The following EIF2AK1 variants were observed in gnomAD, a reference collection of about 807,000 sequenced individuals.
EIF2AK1 encodes the protein eukaryotic translation initiation factor 2-alpha kinase 1.
EIF2AK1 carries 54 observed loss-of-function variants against 77.9 expected under a neutral mutation model. That is an observed-to-expected ratio of 0.69 (90% CI 0.56 to 0.87). The LOEUF (loss-of-function observed/expected upper bound fraction) is 0.87. Ranked by LOEUF, EIF2AK1 falls within the 40% of genes least tolerant of loss-of-function variation. The probability of loss-of-function intolerance (pLI) is 0.00; values close to 1 mark genes in which losing one functional copy is unlikely to be tolerated. For synonymous variants in EIF2AK1, 314 were observed against 290.5 expected (o/e 1.08, Z -0.82); for missense variants, 810 against 768.6 (o/e 1.05, Z -0.64).
intron 1 of EIF2AK1, 44 bp downstream of exon 1, chr7:6,058,922 G>C: frequency 6.8e-7 from 1 of 1,463,612 alleles, no homozygotes; most frequent in East Asian, 2.9e-5. Flanking sequence ...AAACGCAGGT[G>C]GACAGAGAGA....
chr7:6,056,549 G>A (rs1195168678), intron 1 of EIF2AK1, among the ~76,000 whole-genome samples: 5 of 139,104 alleles, frequency 3.6e-5, no homozygotes, highest in Admixed American at 1.5e-4. Flanking sequence ...AGCCGAGATC[G>A]CGCGACTGCA....
chr7:6,039,621 C>CA (rs767158374), intron 9 of EIF2AK1, among the ~76,000 whole-genome samples: 12,971 of 48,860 alleles, frequency 0.27, 2,325 homozygotes, highest in African/African-American at 0.5. Context: ...ACTCCATCTC[C>CA]AAAAAAAAAA....
chr7:6,034,214 G>T (rs2128887088), intron 11 of EIF2AK1, among the ~76,000 whole-genome samples: 1 of 152,056 alleles, frequency 6.6e-6, no homozygotes, highest in Middle Eastern at 3.4e-3. Context: ...GGCTGAGGCA[G>T]GAGAATCGCT....
chr7:6,048,823 G>C lies in EIF2AK1; in HGVS notation c.433C>G (p.Arg145Gly). 6.3e-7 allele frequency: 1 copy of C among 1,583,712 alleles called. No individual in the cohort carries two copies. Among genetic ancestry groups the C allele is most frequent in the Non-Finnish European group, 8.5e-7 (1 of 1,171,028 alleles). The change falls in exon 4 of 15, where the codon CGT becomes GGT. Residue 145 changes from arginine (R) to glycine (G), a missense_variant. By Grantham distance (125) the Arg-to-Gly change is moderately radical. Coordinates refer to ENST00000199389, the MANE Select transcript of EIF2AK1 (RefSeq NM_014413.4). ...CACACATACCTGATTTTCTGGATACGAGAAATATCCTCACAAGGATCCTAC... is the reference window on the plus strand; with the variant it reads ...CACACATACCTGATTTTCTGGATACCAGAAATATCCTCACAAGGATCCTAC... ...VRQDPCEDIS[R>G]IQKIRSREVA...
chr7:6,056,793 G>A (rs1426842646), intron 1 of EIF2AK1, among the ~76,000 whole-genome samples: 2 of 151,132 alleles, frequency 1.3e-5, no homozygotes, highest in Admixed American at 1.3e-4. Context: ...TTATCACAAT[G>A]TTACAGAAAA....
At chr7:6,042,325 C>G (rs1399920302) in intron 8 of EIF2AK1, among the ~76,000 whole-genome samples, 1 of 151,816 alleles carries the variant, frequency 6.6e-6, no homozygotes, top group African/African-American at 2.4e-5. Flanking sequence ...GTGGTGCAGG[C>G]CTATAATCCC....
Position 6,028,977 on chromosome 7 carries a change from C to T in EIF2AK1, c.1388G>A (p.Gly463Asp). 2 of 1,612,756 alleles carry T rather than the reference C, an allele frequency of 1.2e-6. No homozygotes were observed. Among genetic ancestry groups the T allele is most frequent in the Non-Finnish European group, 1.7e-6 (2 of 1,179,776 alleles). ...PDQQVKIGDF[G>D]LACTDILQKN... Reference sequence around the variant, plus strand: ...CTGTAGGATGTCTGTGCAGGCCAGACCAAAGTCTCCTATTTTTACTTGCTG... The same window carrying T: ...CTGTAGGATGTCTGTGCAGGCCAGATCAAAGTCTCCTATTTTTACTTGCTG... Residue 463 changes from glycine to aspartate, a missense_variant, in exon 12 of 15, where the codon GGT becomes GAT. By Grantham distance (94) the Gly-to-Asp change is moderately conservative. This residue lies in a region of EIF2AK1 where 549 missense variants were observed against 533.7 expected (regional missense o/e 1.03). Transcript: ENST00000199389.
At chr7:6,044,733 C>G in intron 6 of EIF2AK1, 72 bp from the exon 7 acceptor site, 1 of 1,336,318 alleles carries the variant, frequency 7.5e-7, no homozygotes, top group Non-Finnish European at 1.1e-6. Flanking sequence ...ACTTCTTGTT[C>G]CAGAGCAAAA....
At chr7:6,050,756 C>G (rs1472330393) in intron 2 of EIF2AK1, among the ~76,000 whole-genome samples, 1 of 151,866 alleles carries the variant, frequency 6.6e-6, no homozygotes, top group Non-Finnish European at 1.5e-5. Flanking sequence ...GCGCCTGCCA[C>G]CAGGCCCAGC....
rs547045673 is a variant in EIF2AK1 at position 6,033,306 on chromosome 7, T to C, written c.1332+4118A>G. ...CATTTCTAAGTGAGGATATACCTGA[T>C]ATAGATTTTTTTTTCAGTTCATACA... On this transcript the variant is annotated intron_variant, in intron 11 of 14. Transcript: ENST00000199389. The surrounding 1 kb of genome is among the most constrained non-coding windows in gnomAD (Gnocchi z 4.4). Among the ~76,000 whole-genome samples, 271 of 152,342 alleles carry C rather than the reference T, an allele frequency of 1.8e-3. 1 individual carries two copies. Among genetic ancestry groups the C allele is most frequent in the Non-Finnish European group, 2.9e-3 (194 of 68,036 alleles).
At position 6,026,472 on chromosome 7, in the gene EIF2AK1, C is replaced by T. The variant is rs778335945; in HGVS notation, c.1764+256G>A. 1.7e-3 allele frequency: 1,102 copies of T among 645,832 alleles called. 23 individuals carry two copies. Among genetic ancestry groups the T allele is most frequent in the Middle Eastern group, 1.5e-3 (6 of 4,058 alleles). The allele number at this position is 645,832 out of a possible 1,614,324, so 40.0% of individuals were successfully genotyped here. On this transcript the variant is annotated intron_variant, in intron 14 of 14. Transcript: ENST00000199389. ...TGGGGTTGGCCCCCAGCCCTCCGCT[C>T]CTCTTTGTGAACACCAGCAGATACC...
In EIF2AK1 at chr7:6,037,287, A is replaced by G. The variant is rs944562149; in HGVS notation, c.1332+137T>C. On this transcript the variant is annotated intron_variant, in intron 11 of 14. Coordinates refer to ENST00000199389, the MANE Select transcript of EIF2AK1 (RefSeq NM_014413.4). Reference sequence around the variant, plus strand: ...CATACTCTGGATCTATCGAACAATGACTTATCTGACAGTAATTATAACCTC... The same window carrying G: ...CATACTCTGGATCTATCGAACAATGGCTTATCTGACAGTAATTATAACCTC... The G allele has an allele frequency of 3.6e-5, 23 of 647,516 alleles. No individual in the cohort carries two copies. In the Admixed American group the frequency reaches 5.5e-4, roughly 16 times the overall value. The allele number at this position is 647,516 out of a possible 1,614,324, so 40.1% of individuals were successfully genotyped here.
In EIF2AK1 at chr7:6,041,156, G is replaced by T; in HGVS notation, c.855C>A (p.Thr285=). 6.2e-7 allele frequency: 1 copy of T among 1,613,868 alleles called. No homozygotes were observed. Among genetic ancestry groups the T allele is most frequent in the African/African-American group, 1.3e-5 (1 of 74,928 alleles). The change falls in exon 9 of 15, where the codon ACC becomes ACA. Residue 285 remains threonine, a synonymous_variant. Coordinates refer to ENST00000199389, the MANE Select transcript of EIF2AK1 (RefSeq NM_014413.4). ...SSSSIIFAEP[T]PEKEKRFGES... ...CTCCAAAGCGTTTTTCTTTTTCTGG[G>T]GTGGGCTCAGCAAAGATAATGGATG...
Position 6,026,783 on chromosome 7 carries a change from T to C in EIF2AK1, c.1709A>G (p.Gln570Arg), listed in dbSNP as rs763122843. Residue 570 changes from glutamine to arginine, a missense_variant, in exon 14 of 15, where the codon CAG becomes CGG. By Grantham distance (43) the Gln-to-Arg change is conservative. Transcript: ENST00000199389. ...IQHLTRRNSS[Q>R]RPSAIQLLQS... ...CAGCAGCTGAATGGCAGATGGTCTC[T>C]GCGATGAGTTCCTTCTCGTTAAGTG... 1.9e-6 allele frequency: 3 copies of C among 1,614,220 alleles called. No homozygotes were observed. Among genetic ancestry groups the C allele is most frequent in the East Asian group, 2.2e-5 (1 of 44,882 alleles).
chr7:6,036,568 G>T lies in EIF2AK1; in HGVS notation c.1332+856C>A, dbSNP rs1380699851. 6.9e-6 allele frequency among the ~76,000 whole-genome samples: 1 copy of T among 143,996 alleles called. No homozygotes were observed. The highest frequency in any genetic ancestry group is 7.0e-5 in the Admixed American group (1 of 14,370). 94.5% of individuals were successfully genotyped at this position (143,996 alleles called of 152,430 possible). A position where few individuals can be genotyped will look rare whatever the true frequency, so the allele number is the denominator to read the frequency against. ...TGTCTATTAACATTTTTGTTCCTAG[G>T]TTTTTTTTTTTTTCATGCCCTTTCC... On this transcript the variant is annotated intron_variant, in intron 11 of 14. Coordinates refer to ENST00000199389, the MANE Select transcript of EIF2AK1 (RefSeq NM_014413.4). This position sits in a 1 kb window ranked among gnomAD's most constrained non-coding sequence, Gnocchi z 4.6.
rs1487700389 is a variant in EIF2AK1 at position 6,036,987 on chromosome 7, G to C, written c.1332+437C>G. ...TCACACCTGTAACCCCAGCACTTTG[G>C]GAGGTCAAGATGGGAGGATCACTTG... On this transcript the variant is annotated intron_variant, in intron 11 of 14. Coordinates refer to ENST00000199389, the MANE Select transcript of EIF2AK1 (RefSeq NM_014413.4). This position sits in a 1 kb window ranked among gnomAD's most constrained non-coding sequence, Gnocchi z 4.6. 6.6e-6 allele frequency among the ~76,000 whole-genome samples: 1 copy of C among 152,008 alleles called. No homozygotes were observed. Among genetic ancestry groups the C allele is most frequent in the Non-Finnish European group, 1.5e-5 (1 of 68,004 alleles).
rs1787971996 is a variant in EIF2AK1 at position 6,033,337 on chromosome 7, T to TC, written c.1332+4086dup. Among the ~76,000 whole-genome samples, 1 of 152,192 alleles carries TC rather than the reference T, an allele frequency of 6.6e-6. No homozygotes were observed. The highest frequency in any genetic ancestry group is 6.5e-5 in the Admixed American group (1 of 15,278). ...TTTTTTTTTCAGTTCATACATTTTTTCCACTTATGTTTGGACTTGTTCGTT... is the reference window on the plus strand; with the variant it reads ...TTTTTTTTTCAGTTCATACATTTTTTCCCACTTATGTTTGGACTTGTTCGTT... On this transcript the variant is annotated intron_variant, in intron 11 of 14. Transcript: ENST00000199389. The surrounding 1 kb of genome is among the most constrained non-coding windows in gnomAD (Gnocchi z 4.4).
In EIF2AK1 at chr7:6,024,258, T is replaced by G; in HGVS notation, c.*415A>C. 1.6e-6 allele frequency: 2 copies of G among 1,215,914 alleles called. No homozygotes were observed. Among genetic ancestry groups the G allele is most frequent in the African/African-American group, 3.1e-5 (2 of 63,568 alleles). The allele number at this position is 1,215,914 out of a possible 1,614,324, so 75.3% of individuals were successfully genotyped here. On this transcript the variant is annotated 3_prime_UTR_variant, in exon 15 of 15. Coordinates refer to ENST00000199389, the MANE Select transcript of EIF2AK1 (RefSeq NM_014413.4). ...CGTCCTTCAGGTAATGAACTTCAGCTGCAGTGTGAAAGGGGCAGGAAGACT... is the reference window on the plus strand; with the variant it reads ...CGTCCTTCAGGTAATGAACTTCAGCGGCAGTGTGAAAGGGGCAGGAAGACT...
chr7:6,049,365 A>C (rs1378419697), intron 3 of EIF2AK1, among the ~76,000 whole-genome samples: 1 of 152,120 alleles, frequency 6.6e-6, no homozygotes, highest in Non-Finnish European at 1.5e-5. Flanking sequence ...AACATGAAGA[A>C]ACTCTGTCTC....
Sources: allele counts gnomAD v4.1 joint callset (sites outside exome capture counted in the v4.1 genomes callset), GRCh38; gene constraint gnomAD v4.1.1; regional missense constraint gnomAD v4.1.1; non-coding constraint Gnocchi (gnomAD v3.1); transcripts MANE v1.5; gene names NCBI Gene and HGNC (gene_info 2026-07-23, HGNC 2026-07-21).